The following COL8A1 variants were observed in gnomAD, a reference collection of about 807,000 sequenced individuals.
COL8A1 encodes the protein collagen type VIII alpha 1 chain.
COL8A1 carries 21 observed loss-of-function variants against 42.7 expected under a neutral mutation model. That is an observed-to-expected ratio of 0.49 (90% CI 0.35 to 0.71). The LOEUF (loss-of-function observed/expected upper bound fraction) is 0.71, where lower values mean the gene tolerates loss of function less well. Among genes scored for constraint, COL8A1 ranks in the 30% least tolerant of loss-of-function variants. The probability of loss-of-function intolerance (pLI) is 0.01; values close to 1 mark genes in which losing one functional copy is unlikely to be tolerated. For missense variants in COL8A1, 788 were observed against 962.4 expected (o/e 0.82, Z 2.40); for synonymous variants, 367 against 369.1 (o/e 0.99, Z 0.06).
intron 1 of COL8A1, among the ~76,000 whole-genome samples, chr3:99,674,506 T>C (rs1938635689): frequency 6.6e-6 from 1 of 151,770 alleles, no homozygotes; most frequent in Non-Finnish European, 1.5e-5. Context: ...TGCCACTGGC[T>C]CACACATGAA....
chr3:99,784,614 G>A (rs909392148), intron 2 of COL8A1, among the ~76,000 whole-genome samples: 1 of 152,144 alleles, frequency 6.6e-6, no homozygotes, highest in African/African-American at 2.4e-5. Context: ...GTAAGTATTT[G>A]TGTATCTAAA....
intron 1 of COL8A1, among the ~76,000 whole-genome samples, chr3:99,708,786 C>A (rs1244040087): frequency 6.6e-6 from 1 of 152,114 alleles, no homozygotes; most frequent in Non-Finnish European, 1.5e-5. Context: ...AGGCATTTTC[C>A]AACCACTTCA....
At chr3:99,703,138 G>C (rs577429409) in intron 1 of COL8A1, among the ~76,000 whole-genome samples, 6 of 152,274 alleles carry the variant, frequency 3.9e-5, no homozygotes, top group South Asian at 4.2e-4. Flanking sequence ...TGAAGATAAG[G>C]AACTAGTGAG....
chr3:99,687,740 A>G (rs1204150446), intron 1 of COL8A1, among the ~76,000 whole-genome samples: 1 of 152,236 alleles, frequency 6.6e-6, no homozygotes, highest in East Asian at 1.9e-4. Flanking sequence ...TATACTAATA[A>G]CATTATAATA....
chr3:99,678,269 G>A (rs970278409), intron 1 of COL8A1: 1 of 152,026 alleles, frequency 6.6e-6, no homozygotes. Context: ...TGAAATGTTG[G>A]GGGCTGAGTC....
intron 1 of COL8A1, among the ~76,000 whole-genome samples, chr3:99,707,494 A>G (rs2107353058): frequency 6.6e-6 from 1 of 152,004 alleles, no homozygotes; most frequent in East Asian, 1.9e-4. Context: ...ACTAGCCATC[A>G]CTCCCGAGGG....
chr3:99,682,221 C>A (rs1938904356), intron 1 of COL8A1, among the ~76,000 whole-genome samples: 1 of 152,054 alleles, frequency 6.6e-6, no homozygotes, highest in Admixed American at 6.6e-5. Flanking sequence ...TCAAGACCAG[C>A]TTGGGCAACA....
chr3:99,695,952 A>G (rs1430050352), intron 1 of COL8A1, among the ~76,000 whole-genome samples: 3 of 152,136 alleles, frequency 2.0e-5, no homozygotes, highest in East Asian at 1.9e-4. Flanking sequence ...TGGCCAAAAT[A>G]GTGAAACCCT....
At chr3:99,643,690 C>T (rs1373185786) in intron 1 of COL8A1, among the ~76,000 whole-genome samples, 1 of 152,090 alleles carries the variant, frequency 6.6e-6, no homozygotes, top group Non-Finnish European at 1.5e-5. Context: ...ATGGCTAAGC[C>T]GTTTTCCTGT....
chr3:99,680,614 A>G (rs918166796), intron 1 of COL8A1, among the ~76,000 whole-genome samples: 1 of 152,168 alleles, frequency 6.6e-6, no homozygotes, highest in Non-Finnish European at 1.5e-5. Flanking sequence ...TCCCACCAAC[A>G]GTGTAAAAGT....
At chr3:99,789,278 A>ATT (rs1308588928) in intron 2 of COL8A1, among the ~76,000 whole-genome samples, 1 of 152,220 alleles carries the variant, frequency 6.6e-6, no homozygotes, top group Non-Finnish European at 1.5e-5. Flanking sequence ...AAAGCAAAGA[A>ATT]AACAACTCTC....
chr3:99,795,125 T>C lies in COL8A1; in HGVS notation c.1224T>C (p.Gly408=). The C allele has an allele frequency of 6.2e-7, 1 of 1,613,132 alleles. No individual in the cohort carries two copies. The highest frequency in any genetic ancestry group is 8.5e-7 in the Non-Finnish European group (1 of 1,179,600). The change falls in exon 4 of 4, where the codon GGT becomes GGC. Residue 408 remains glycine (G), a synonymous_variant. Coordinates refer to ENST00000652472, the MANE Select transcript of COL8A1 (RefSeq NM_020351.4). ...PGPMGPPGAI[G]FPGPKGEGGI... ...CTATGGGCCCTCCAGGTGCTATTGG[T>C]TTTCCTGGACCCAAAGGAGAAGGTG...
chr3:99,776,913 G>C (rs149727389), intron 2 of COL8A1, among the ~76,000 whole-genome samples: 5 of 152,270 alleles, frequency 3.3e-5, no homozygotes, highest in African/African-American at 7.2e-5. Context: ...CATGGTGCTC[G>C]TGGGAGTGTC....
At chr3:99,738,269 G>C (rs1423895750) in intron 1 of COL8A1, among the ~76,000 whole-genome samples, 1 of 152,228 alleles carries the variant, frequency 6.6e-6, no homozygotes, top group Non-Finnish European at 1.5e-5. Flanking sequence ...CGCTGGTGAG[G>C]AACTGCGTTC....
intron 1 of COL8A1, among the ~76,000 whole-genome samples, chr3:99,742,748 G>A (rs946489185): frequency 1.2e-4 from 18 of 152,198 alleles, no homozygotes; most frequent in Non-Finnish European, 2.1e-4. Flanking sequence ...CTACCAAGGT[G>A]TGGGTCTGGG....
chr3:99,663,360 G>A (rs1227543392), intron 1 of COL8A1, among the ~76,000 whole-genome samples: 2 of 152,202 alleles, frequency 1.3e-5, no homozygotes, highest in East Asian at 3.9e-4. Flanking sequence ...CCCGGTGCCA[G>A]AACAGGGCTC....
At chr3:99,738,275 C>T (rs1466788857) in intron 1 of COL8A1, among the ~76,000 whole-genome samples, 8 of 152,366 alleles carry the variant, frequency 5.3e-5, no homozygotes, top group South Asian at 4.1e-4. Context: ...TGAGGAACTG[C>T]GTTCCTTTGG....
At chr3:99,740,648 T>G (rs1940873333) in intron 1 of COL8A1, among the ~76,000 whole-genome samples, 1 of 152,040 alleles carries the variant, frequency 6.6e-6, no homozygotes, top group Non-Finnish European at 1.5e-5. Context: ...TCCCACAACA[T>G]GTGGGGATTA....
chr3:99,759,886 T>C (rs1941334217), intron 2 of COL8A1, among the ~76,000 whole-genome samples: 1 of 152,230 alleles, frequency 6.6e-6, no homozygotes, highest in Non-Finnish European at 1.5e-5. Context: ...GGGTTTCTCC[T>C]ACCGTGTGAT....
Sources: allele counts gnomAD v4.1 joint callset (sites outside exome capture counted in the v4.1 genomes callset), GRCh38; gene constraint gnomAD v4.1.1; transcripts MANE v1.5; gene names NCBI Gene and HGNC (gene_info 2026-07-23, HGNC 2026-07-21).